DENND5A: variants seen among roughly 807,000 people sequenced by gnomAD.
The protein encoded by DENND5A is DENN domain containing 5A, also known as DENN domain-containing protein 5A.
Under a neutral mutation model 140.3 loss-of-function variants are expected in DENND5A, and 64 were observed. The ratio of observed to expected loss-of-function variants is 0.46; its 90% CI spans 0.37 to 0.56. The LOEUF (loss-of-function observed/expected upper bound fraction) is 0.56. DENND5A is among the 20% of genes least tolerant of loss of function. The probability of loss-of-function intolerance (pLI) is 0.00; values close to 1 mark genes in which losing one functional copy is unlikely to be tolerated. For synonymous variants in DENND5A, 605 were observed against 607.7 expected, an observed-to-expected ratio of 1.00 and a Z score of 0.07; for missense variants, 1,292 against 1,593.8, an observed-to-expected ratio of 0.81 and a Z score of 3.22.
Position 9,265,046 on chromosome 11 carries a change from C to G in DENND5A, c.24G>C (p.Gly8=). ...CGGCGAAGCGACTGGGCGCCGAGCCCCCTCCGCCGCCGCCGCCACTCATGG... is the reference window on the plus strand; with the variant it reads ...CGGCGAAGCGACTGGGCGCCGAGCCGCCTCCGCCGCCGCCGCCACTCATGG... MSGGGGG[G]GSAPSRFADY... is the part of the protein sequence containing the mutation. The change falls in exon 1 of 23, where the codon GGG becomes GGC. Residue 8 remains glycine, a synonymous_variant. Coordinates refer to ENST00000328194, the MANE Select transcript of DENND5A (RefSeq NM_015213.4). This position sits in a 1 kb window ranked among gnomAD's most constrained non-coding sequence, Gnocchi z 4.7. 1 of 1,553,412 alleles carries G rather than the reference C, an allele frequency of 6.4e-7. No individual in the cohort carries two copies. The highest frequency in any genetic ancestry group is 8.7e-7 in the Non-Finnish European group (1 of 1,153,036).
At chr11:9,201,958 A>G (rs189890051) in intron 4 of DENND5A, among the ~76,000 whole-genome samples, 43 of 152,332 alleles carry the variant, frequency 2.8e-4, no homozygotes, top group Non-Finnish European at 3.5e-4. Context: ...TAAGCAGATT[A>G]GTATCACCAA....
chr11:9,170,099 G>A (rs1848322058), intron 9 of DENND5A, 150 bp from the exon 10 acceptor site: 2 of 812,990 alleles, frequency 2.5e-6, no homozygotes, highest in Admixed American at 2.7e-5. Flanking sequence ...AGACCTTGAG[G>A]AAGAGCAGAT....
At chr11:9,155,166 A>G (rs1017264748) in intron 12 of DENND5A, among the ~76,000 whole-genome samples, 2 of 152,038 alleles carry the variant, frequency 1.3e-5, no homozygotes, top group Non-Finnish European at 2.9e-5. Context: ...AAAAAGGTCT[A>G]TTAATGTATC....
Position 9,211,413 on chromosome 11 carries a change from A to T in DENND5A, c.110-3781T>A, listed in dbSNP as rs181240183. ...CCCACTACAGGGAAACAGTTAACTT[A>T]AAAATAATAACAATAATAATAATAA... is the stretch of plus-strand genomic sequence containing the variant. On this transcript the variant is annotated intron_variant, in intron 1 of 22. Transcript: ENST00000328194. Among the ~76,000 whole-genome samples, 18 of 152,292 alleles carry T rather than the reference A, an allele frequency of 1.2e-4. No individual in the cohort carries two copies. The East Asian group carries it at 3.5e-3, about 29-fold the overall frequency.
intron 1 of DENND5A, among the ~76,000 whole-genome samples, chr11:9,213,424 TA>T (rs142768126): frequency 2.6e-4 from 39 of 147,902 alleles, no homozygotes; most frequent in East Asian, 7.9e-4. Flanking sequence ...AAGTTTAACT[TA>T]AAAAAAAAAC....
chr11:9,248,874 G>A (rs192839361), intron 1 of DENND5A, among the ~76,000 whole-genome samples: 1 of 152,176 alleles, frequency 6.6e-6, no homozygotes, highest in African/African-American at 2.4e-5. Context: ...AACATTGTTA[G>A]AGGGCCATTG....
chr11:9,236,463 C>T (rs957107903), intron 1 of DENND5A, among the ~76,000 whole-genome samples: 2 of 148,566 alleles, frequency 1.3e-5, no homozygotes, highest in African/African-American at 5.0e-5. Flanking sequence ...ACCCAGGAGG[C>T]AGAGGTTGTG....
chr11:9,178,921 G>A lies in DENND5A; in HGVS notation c.1608C>T (p.Ile536=). 1 of 1,614,072 alleles carries A rather than the reference G, an allele frequency of 6.2e-7. No individual in the cohort carries two copies. Among genetic ancestry groups the A allele is most frequent in the African/African-American group, 1.3e-5 (1 of 75,026 alleles). The part of the protein sequence containing the change: ...QMFADYEVFV[I]QPSQDKESWF... ...AGGATTCCTTATCCTGGCTGGGTTGGATGACAAACACCTCATAATCTGCAA... is the reference window on the plus strand; with the variant it reads ...AGGATTCCTTATCCTGGCTGGGTTGAATGACAAACACCTCATAATCTGCAA... The change falls in exon 7 of 23, where the codon ATC becomes ATT. Residue 536 remains isoleucine, a synonymous_variant. Coordinates refer to ENST00000328194, the MANE Select transcript of DENND5A (RefSeq NM_015213.4).
intron 1 of DENND5A, among the ~76,000 whole-genome samples, chr11:9,216,208 G>A (rs1203405300): frequency 6.6e-6 from 1 of 152,206 alleles, no homozygotes; most frequent in Non-Finnish European, 1.5e-5. Flanking sequence ...TCACCTGAAA[G>A]ATGAAGTATA....
At chr11:9,224,287 G>A (rs1375136811) in intron 1 of DENND5A, among the ~76,000 whole-genome samples, 1 of 152,142 alleles carries the variant, frequency 6.6e-6, no homozygotes, top group Non-Finnish European at 1.5e-5. Context: ...GAAAGCTTGG[G>A]GGTCTAGCAT....
intron 1 of DENND5A, among the ~76,000 whole-genome samples, chr11:9,245,778 C>T (rs1005278768): frequency 1.6e-4 from 25 of 151,922 alleles, no homozygotes; most frequent in South Asian, 8.3e-4. Flanking sequence ...GGACTACAGG[C>T]GTGGACCACC....
intron 1 of DENND5A, among the ~76,000 whole-genome samples, chr11:9,253,105 G>A (rs528446842): frequency 1.3e-5 from 2 of 151,950 alleles, no homozygotes; most frequent in East Asian, 1.9e-4. Context: ...TCCCCCACTC[G>A]GCCCCTCAAA....
chr11:9,170,599 G>A (rs1848337712), intron 9 of DENND5A, 28 bp downstream of exon 9: 4 of 1,613,238 alleles, frequency 2.5e-6, no homozygotes, highest in Non-Finnish European at 3.4e-6. Context: ...TAGGGAGTTG[G>A]ATTAGTGAAT....
intron 1 of DENND5A, among the ~76,000 whole-genome samples, chr11:9,237,712 G>A (rs569779994): frequency 3.9e-5 from 6 of 151,924 alleles, no homozygotes; most frequent in East Asian, 3.9e-4. Flanking sequence ...TTGAAACCCC[G>A]TCTCTACTCA....
At position 9,263,864 on chromosome 11, in the gene DENND5A, A is replaced by G. The variant is rs1332704009; in HGVS notation, c.109+1097T>C. Among the ~76,000 whole-genome samples the G allele has an allele frequency of 2.0e-5, 3 of 151,440 alleles. 1 individual carries two copies. Among genetic ancestry groups the G allele is most frequent in the Admixed American group, 6.6e-5 (1 of 15,218 alleles). ...ACTCCGTCTCAAAAAAAAAAAAAAA[A>G]AAAAAAAGAAACACTGGACTTTTTC... On this transcript the variant is annotated intron_variant, in intron 1 of 22. Coordinates refer to ENST00000328194, the MANE Select transcript of DENND5A (RefSeq NM_015213.4).
At chr11:9,158,181 A>G (rs143263439) in intron 12 of DENND5A, among the ~76,000 whole-genome samples, 1 of 152,330 alleles carries the variant, frequency 6.6e-6, no homozygotes, top group African/African-American at 2.4e-5. Flanking sequence ...GCCAGAAACC[A>G]GGCTCTGAGC....
rs868641168 is a variant in DENND5A, at chr11:9,260,104, C to T, written c.109+4857G>A. ...TTTTCTAGTAAGTTCATACAGCACA[C>T]TGGCCAGTTTCCCATCTATCCTTAT... On this transcript the variant is annotated intron_variant, in intron 1 of 22. Transcript: ENST00000328194. 3.7e-4 allele frequency among the ~76,000 whole-genome samples: 56 copies of T among 150,916 alleles called. 1 individual carries two copies. Among genetic ancestry groups the T allele is most frequent in the African/African-American group, 1.3e-3 (54 of 41,142 alleles).
At chr11:9,154,980 T>A (rs1454015015) in intron 12 of DENND5A, among the ~76,000 whole-genome samples, 1 of 151,862 alleles carries the variant, frequency 6.6e-6, no homozygotes, top group Non-Finnish European at 1.5e-5. Flanking sequence ...GGAAACCCCA[T>A]CTCTACTAAA....
intron 10 of DENND5A, among the ~76,000 whole-genome samples, chr11:9,167,187 T>C (rs996362306): frequency 7.9e-5 from 12 of 152,132 alleles, no homozygotes; most frequent in Non-Finnish European, 1.3e-4. Context: ...CCAACATTTT[T>C]ACCCTAAACT....
Sources: allele counts gnomAD v4.1 joint callset (sites outside exome capture counted in the v4.1 genomes callset), GRCh38; gene constraint gnomAD v4.1.1; non-coding constraint Gnocchi (gnomAD v3.1); transcripts MANE v1.5; gene names NCBI Gene and HGNC (gene_info 2026-07-23, HGNC 2026-07-21).